Variants in NRCAM observed in about 807,000 individuals in gnomAD.
The protein encoded by NRCAM is NgCAM-related cell adhesion molecule.
NRCAM carries 83 observed loss-of-function variants against 156.5 expected under a neutral mutation model. The ratio of observed to expected loss-of-function variants is 0.53; its 90% confidence interval spans 0.44 to 0.64. The LOEUF (loss-of-function observed/expected upper bound fraction) is 0.64. Among genes scored for constraint, NRCAM ranks in the 30% least tolerant of loss-of-function variants. The probability of loss-of-function intolerance (pLI) is 0.00; values close to 1 mark genes in which losing one functional copy is unlikely to be tolerated. For missense variants in NRCAM, 1,417 were observed against 1,597.3 expected, an observed-to-expected ratio of 0.89 and a Z score of 1.92; for synonymous variants, 538 against 563.9, an observed-to-expected ratio of 0.95 and a Z score of 0.65.
At chr7:108,289,031 G>A (rs886631681) in intron 3 of NRCAM, among the ~76,000 whole-genome samples, 2 of 152,010 alleles carry the variant, frequency 1.3e-5, no homozygotes, top group African/African-American at 4.8e-5. Context: ...CTGAAACTTC[G>A]CTGAAACAAA....
At chr7:108,443,879 T>TATAGATAGATAG (rs142458020) in intron 1 of NRCAM, among the ~76,000 whole-genome samples, 17,890 of 148,098 alleles carry the variant, frequency 0.12, 1,178 homozygotes, top group Admixed American at 0.18. Context: ...AGTATACAGA[T>TATAGATAGATAG]ATAGATAGAT....
At chr7:108,270,370 G>A (rs1461593101) in intron 3 of NRCAM, among the ~76,000 whole-genome samples, 1 of 152,192 alleles carries the variant, frequency 6.6e-6, no homozygotes, top group Non-Finnish European at 1.5e-5. Context: ...CCTTCTTGTG[G>A]AGGCTTAATA....
At chr7:108,337,854 G>A (rs555849931) in intron 2 of NRCAM, among the ~76,000 whole-genome samples, 1 of 152,332 alleles carries the variant, frequency 6.6e-6, no homozygotes, top group Non-Finnish European at 1.5e-5. Context: ...TAGCGACCAC[G>A]AAGGGACCTC....
chr7:108,193,951 C>T (rs1563365490), intron 17 of NRCAM, 73 bp downstream of exon 17: 1 of 1,455,070 alleles, frequency 6.9e-7, no homozygotes, highest in Non-Finnish European at 9.4e-7. Context: ...TAATTGACTA[C>T]ATAGTAGACC....
At chr7:108,193,320 C>T (rs1338556042) in intron 17 of NRCAM, among the ~76,000 whole-genome samples, 3 of 152,218 alleles carry the variant, frequency 2.0e-5, no homozygotes, top group Non-Finnish European at 4.4e-5. Context: ...TATTTAGGCA[C>T]CACAATTTTA....
chr7:108,155,048 T>G (rs1179643907), intron 32 of NRCAM, among the ~76,000 whole-genome samples: 2 of 146,208 alleles, frequency 1.4e-5, no homozygotes, highest in Admixed American at 1.4e-4. Context: ...GTTTCCCAAA[T>G]GATATGAATC....
intron 2 of NRCAM, among the ~76,000 whole-genome samples, chr7:108,328,053 G>C (rs2099088450): frequency 6.6e-6 from 1 of 152,192 alleles, no homozygotes; most frequent in African/African-American, 2.4e-5. Context: ...AACACACCCT[G>C]TGGATGTACC....
At chr7:108,450,448 C>T (rs1191663833) in intron 1 of NRCAM, among the ~76,000 whole-genome samples, 2 of 152,122 alleles carry the variant, frequency 1.3e-5, no homozygotes, top group Admixed American at 6.5e-5. Context: ...AAGGTTTATG[C>T]TGTCATCTTG....
intron 3 of NRCAM, among the ~76,000 whole-genome samples, chr7:108,257,643 G>A (rs2096735570): frequency 6.6e-6 from 1 of 152,040 alleles, no homozygotes; most frequent in South Asian, 2.1e-4. Context: ...ATGAAAATAA[G>A]CTACATTTGT....
chr7:108,211,991 C>G (rs903063604), intron 11 of NRCAM, among the ~76,000 whole-genome samples: 4 of 152,196 alleles, frequency 2.6e-5, no homozygotes, highest in Non-Finnish European at 5.9e-5. Context: ...CTCACAGAGT[C>G]CATTTCAACC....
rs201421925 is a variant in NRCAM, at chr7:108,207,542, C to T, written c.1193G>A (p.Gly398Glu). 2 of 1,613,936 alleles carry T rather than the reference C, an allele frequency of 1.2e-6. No homozygotes were observed. The highest frequency in any genetic ancestry group is 2.2e-5 in the East Asian group (1 of 44,870). The change falls in exon 13 of 33, where the codon GGA (glycine) becomes GAA (glutamate). Residue 398 changes from glycine to glutamate, a missense_variant. Physicochemically the swap from Gly to Glu is moderately conservative, Grantham distance 98. Transcript: ENST00000379028. ...PKPRISWLTNGVPIEIAPDDP... is the reference protein window; with the variant it reads ...PKPRISWLTNEVPIEIAPDDP... ...AGGCAACTTACTTTCTATTGGGACT[C>T]CATTTGTTAACCAGCTAATTCTGGG...
chr7:108,197,977 T>C lies in NRCAM; in HGVS notation c.1330A>G (p.Asn444Asp), dbSNP rs1429105145. ...ASNEYGYLLA[N>D]AFVNVLAEPP... ...TTACCCAGCACATTTACAAATGCGTTTGCCAGTAAATATCCATATTCATTA... is the reference window on the plus strand; with the variant it reads ...TTACCCAGCACATTTACAAATGCGTCTGCCAGTAAATATCCATATTCATTA... Residue 444 changes from asparagine to aspartate, a missense_variant, in exon 14 of 33, where the codon AAC (asparagine) becomes GAC (aspartate). Physicochemically the swap from Asn to Asp is conservative, Grantham distance 23. Coordinates refer to ENST00000379028, the MANE Select transcript of NRCAM (RefSeq NM_001037132.4). 2 of 1,578,542 alleles carry C rather than the reference T, an allele frequency of 1.3e-6. No homozygotes were observed. The highest frequency in any genetic ancestry group is 1.2e-5 in the South Asian group (1 of 84,172).
chr7:108,430,559 G>A (rs982909370), intron 1 of NRCAM, among the ~76,000 whole-genome samples: 1 of 152,182 alleles, frequency 6.6e-6, no homozygotes, highest in African/African-American at 2.4e-5. Context: ...CCAGGCTGGG[G>A]AGAAGAGCAG....
At chr7:108,349,385 C>A (rs914452085) in intron 2 of NRCAM, among the ~76,000 whole-genome samples, 14 of 152,126 alleles carry the variant, frequency 9.2e-5, no homozygotes, top group African/African-American at 3.1e-4. Flanking sequence ...TCTCCTGCCT[C>A]AGCCTCCCGA....
intron 3 of NRCAM, among the ~76,000 whole-genome samples, chr7:108,263,493 T>A (rs948669992): frequency 6.6e-6 from 1 of 152,252 alleles, no homozygotes; most frequent in African/African-American, 2.4e-5. Context: ...AGCTTCCGCA[T>A]CAGGCAGTGC....
intron 2 of NRCAM, among the ~76,000 whole-genome samples, chr7:108,342,211 C>T (rs915932509): frequency 2.6e-5 from 4 of 152,166 alleles, no homozygotes; most frequent in African/African-American, 7.2e-5. Context: ...AAACCTTGTG[C>T]CATCAAGCCA....
intron 2 of NRCAM, among the ~76,000 whole-genome samples, chr7:108,318,293 C>A (rs1005595410): frequency 6.6e-6 from 1 of 151,948 alleles, no homozygotes; most frequent in Admixed American, 6.6e-5. Context: ...GATGTGCCCA[C>A]TTCAGCCTCC....
intron 11 of NRCAM, among the ~76,000 whole-genome samples, chr7:108,213,050 G>A (rs2085583387): frequency 6.6e-6 from 1 of 152,180 alleles, no homozygotes; most frequent in Non-Finnish European, 1.5e-5. Flanking sequence ...AGAGTTCTCA[G>A]CAGAAATCCT....
At chr7:108,388,717 A>T (rs1236852819) in intron 2 of NRCAM, among the ~76,000 whole-genome samples, 1 of 152,212 alleles carries the variant, frequency 6.6e-6, no homozygotes, top group Non-Finnish European at 1.5e-5. Context: ...TCTTTAATCC[A>T]TCTTGAATTA....
Sources: allele counts gnomAD v4.1 joint callset (sites outside exome capture counted in the v4.1 genomes callset), GRCh38; gene constraint gnomAD v4.1.1; transcripts MANE v1.5; gene names NCBI Gene and HGNC (gene_info 2026-07-23, HGNC 2026-07-21).